The following LARGE1 variants were observed in gnomAD, a reference collection of about 807,000 sequenced individuals.
LARGE1 encodes LARGE xylosyl- and glucuronyltransferase 1.
LARGE1 carries 43 observed loss-of-function variants against 87.6 expected under a neutral mutation model. That is an observed-to-expected ratio of 0.49 (90% CI 0.38 to 0.63). The LOEUF (loss-of-function observed/expected upper bound fraction) is 0.63, where lower values mean the gene tolerates loss of function less well. LARGE1 is among the 30% of genes least tolerant of loss of function. The probability of loss-of-function intolerance (pLI) is 0.00; values close to 1 mark genes in which losing one functional copy is unlikely to be tolerated. For missense variants in LARGE1, 802 were observed against 1,000.2 expected, an observed-to-expected ratio of 0.80 and a Z score of 2.67; for synonymous variants, 434 against 394.6, an observed-to-expected ratio of 1.10 and a Z score of -1.18.
At chr22:33,159,129 G>T (rs1363423218), downstream of LARGE1, among the ~76,000 whole-genome samples, 1 of 151,764 alleles carries the variant, frequency 6.6e-6, no homozygotes, top group East Asian at 1.9e-4. Flanking sequence ...TGCCCATCTG[G>T]GTGTGGCTGT....
chr22:33,796,676 T>C lies in LARGE1; in HGVS notation c.-82-35118A>G, dbSNP rs993687136. 4.6e-5 allele frequency among the ~76,000 whole-genome samples: 7 copies of C among 151,926 alleles called. No homozygotes were observed. The South Asian group carries it at 1.5e-3, about 32-fold the overall frequency. ...CAGAAAGAAAACAGCAAAGTCCCTC[T>C]TGTGGAAGACCTTGGAAAATGCAAA... On this transcript the variant is annotated intron_variant, in intron 1 of 14. Transcript: ENST00000397394.
intron 11 of LARGE1, among the ~76,000 whole-genome samples, chr22:33,254,314 G>T (rs996362090): frequency 1.3e-5 from 2 of 152,166 alleles, no homozygotes; most frequent in Admixed American, 6.5e-5. Flanking sequence ...GCCTGTGTTG[G>T]AAGCAGGGGA....
At chr22:33,285,901 ACCAT>A (rs1931443701) in intron 12 of LARGE1, among the ~76,000 whole-genome samples, 1 of 152,108 alleles carries the variant, frequency 6.6e-6, no homozygotes, top group Admixed American at 6.5e-5. Context: ...GTTTCCTAAA[ACCAT>A]CCGTGGTTAA....
At chr22:33,280,235 C>G (rs372184038) in intron 13 of LARGE1, among the ~76,000 whole-genome samples, 6 of 144,316 alleles carry the variant, frequency 4.2e-5, no homozygotes, top group African/African-American at 1.3e-4. Flanking sequence ...ACAGCAATAT[C>G]TACTTCATAG....
chr22:33,876,521 T>TCC (rs397956400), intron 1 of LARGE1, among the ~76,000 whole-genome samples: 1 of 151,600 alleles, frequency 6.6e-6, no homozygotes, highest in Admixed American at 6.6e-5. Flanking sequence ...GCTATACTTC[T>TCC]ATTTAAAAGC....
At chr22:33,451,578 G>T (rs867454721) in intron 6 of LARGE1, among the ~76,000 whole-genome samples, 1,103 of 89,722 alleles carry the variant, frequency 0.012, 10 homozygotes, top group African/African-American at 0.046. Flanking sequence ...TTTTTTTTTT[G>T]AGACCAAGTC....
At chr22:33,720,027 G>C (rs908836804) in intron 2 of LARGE1, among the ~76,000 whole-genome samples, 1 of 152,156 alleles carries the variant, frequency 6.6e-6, no homozygotes, top group Non-Finnish European at 1.5e-5. Context: ...CAAAGGTTGG[G>C]GGAAGGGGAT....
chr22:33,922,279 T>TGGGGGGCGGGGGGG (rs1555893682), upstream of LARGE1: 1 of 63,514 alleles, frequency 1.6e-5, no homozygotes, highest in Non-Finnish European at 3.3e-5. Context: ...GCTGGGGGGG[T>TGGGGGGCGGGGGGG]GGGGCGGCAA....
At chr22:33,173,598 C>T (rs375523303) in intron 11 of LARGE1, among the ~76,000 whole-genome samples, 3 of 151,434 alleles carry the variant, frequency 2.0e-5, no homozygotes, top group East Asian at 3.9e-4. Context: ...AGACCCATCT[C>T]ACATGCAAAG....
upstream of LARGE1, chr22:33,922,426 C>T (rs1466976931): frequency 6.6e-6 from 1 of 152,368 alleles, no homozygotes; most frequent in Non-Finnish European, 1.5e-5. Context: ...ACAACGACCC[C>T]CACCAGCAGC....
Position 33,540,595 on chromosome 22 carries a change from C to T in LARGE1, c.787+24253G>A, listed in dbSNP as rs1244373903. ...CCAAGACACAGTGTCTCTTTTGTTG[C>T]AGTAGCCAGCAGATCCTGGGATAGC... is the stretch of plus-strand genomic sequence containing the variant. On this transcript the variant is annotated intron_variant, in intron 6 of 14. Transcript: ENST00000397394. 2.0e-5 allele frequency among the ~76,000 whole-genome samples: 3 copies of T among 152,158 alleles called. No individual in the cohort carries two copies. The East Asian group carries it at 5.8e-4, about 29-fold the overall frequency.
At chr22:33,772,685 A>G (rs1191803285) in intron 1 of LARGE1, among the ~76,000 whole-genome samples, 1 of 152,144 alleles carries the variant, frequency 6.6e-6, no homozygotes, top group African/African-American at 2.4e-5. Context: ...CATTTTCTTC[A>G]TAGTACTCAT....
intron 2 of LARGE1, among the ~76,000 whole-genome samples, chr22:33,718,032 T>G (rs2082964703): frequency 6.6e-6 from 1 of 152,244 alleles, no homozygotes; most frequent in Admixed American, 6.5e-5. Flanking sequence ...ATACGCCATT[T>G]GAAGATAGGC....
chr22:33,339,101 T>C (rs1479774613), intron 9 of LARGE1, among the ~76,000 whole-genome samples: 1 of 146,934 alleles, frequency 6.8e-6, no homozygotes, highest in Admixed American at 6.8e-5. Flanking sequence ...TGGGCCGAGA[T>C]TGCACCACTG....
chr22:33,679,365 C>T (rs1212319611), intron 2 of LARGE1, among the ~76,000 whole-genome samples: 1 of 152,070 alleles, frequency 6.6e-6, no homozygotes, highest in Non-Finnish European at 1.5e-5. Flanking sequence ...CTGTTGAAGA[C>T]ATAACTGGTT....
chr22:33,763,015 C>A (rs952422115), intron 1 of LARGE1, among the ~76,000 whole-genome samples: 10 of 152,216 alleles, frequency 6.6e-5, no homozygotes, highest in African/African-American at 2.4e-4. Flanking sequence ...ATGCATCCTT[C>A]CCTCTTGGGT....
intron 2 of LARGE1, among the ~76,000 whole-genome samples, chr22:33,734,037 G>T (rs2083564685): frequency 6.6e-6 from 1 of 152,120 alleles, no homozygotes; most frequent in South Asian, 2.1e-4. Flanking sequence ...ATACGCTTAG[G>T]GCTTTCTCCA....
chr22:33,184,704 C>T (rs1416915132), intron 11 of LARGE1, among the ~76,000 whole-genome samples: 1 of 151,886 alleles, frequency 6.6e-6, no homozygotes, highest in East Asian at 1.9e-4. Flanking sequence ...CCTCTTAAAA[C>T]TCAACAATAA....
intron 7 of LARGE1, among the ~76,000 whole-genome samples, chr22:33,424,635 A>C (rs1050463812): frequency 6.6e-6 from 1 of 152,002 alleles, no homozygotes; most frequent in African/African-American, 2.4e-5. Flanking sequence ...GACCAGCCTG[A>C]GCAACAAAGT....
Sources: gnomAD v4.1 joint callset for allele counts (sites outside exome capture counted in the v4.1 genomes callset) on GRCh38, gnomAD v4.1.1 for gene constraint, MANE v1.5 for transcripts, NCBI Gene and HGNC (gene_info 2026-07-23, HGNC 2026-07-21) for gene names.